Variants in RYR1 observed in about 807,000 individuals in gnomAD.
RYR1 encodes the protein ryanodine receptor 1, also known as central core disease of muscle.
In RYR1, 342 loss-of-function variants were observed where a neutral mutation model predicts 583.5. The ratio of observed to expected loss-of-function variants is 0.59; its 90% CI spans 0.54 to 0.64. The LOEUF (loss-of-function observed/expected upper bound fraction) is 0.64. RYR1 is among the 30% of genes least tolerant of loss of function. RYR1 has a pLI of 0.00. For synonymous variants in RYR1, 2,791 were observed against 2,822.5 expected, an observed-to-expected ratio of 0.99 and a Z score of 0.35; for missense variants, 6,032 against 6,917.2, an observed-to-expected ratio of 0.87 and a Z score of 4.54.
chr19:38,516,452 T>C (rs1041187437), intron 65 of RYR1, among the ~76,000 whole-genome samples: 3 of 152,112 alleles, frequency 2.0e-5, no homozygotes, highest in African/African-American at 7.2e-5. Context: ...ACAGAATCTA[T>C]TGATAAAAGT....
At chr19:38,569,172 G>A (rs940762261) in intron 93 of RYR1, among the ~76,000 whole-genome samples, 2 of 152,106 alleles carry the variant, frequency 1.3e-5, no homozygotes, top group African/African-American at 4.8e-5. Context: ...CGCCACGCCT[G>A]GCTAATTTTT....
In RYR1 at chr19:38,512,116, C is replaced by G; in HGVS notation, c.9217C>G (p.Arg3073Gly). 6.2e-7 allele frequency: 1 copy of G among 1,614,170 alleles called. No individual in the cohort carries two copies. Among genetic ancestry groups the G allele is most frequent in the Non-Finnish European group, 8.5e-7 (1 of 1,180,034 alleles). ...AVVNCLHILA[R>G]SLDARTVMKS... ...GGTCAACTGTCTTCACATCCTGGCC[C>G]GCTCCCTGGATGCCAGGTAGGGCCA... The change falls in exon 62 of 106, where the codon CGC becomes GGC. Residue 3073 changes from arginine (R) to glycine (G), a missense_variant. Arg to Gly is a moderately radical substitution (Grantham distance 125, BLOSUM62 -2). Coordinates refer to ENST00000359596, the MANE Select transcript of RYR1 (RefSeq NM_000540.3). The surrounding 1 kb of genome is among the most constrained non-coding windows in gnomAD (Gnocchi z 5.1).
At position 38,502,681 on chromosome 19, in the gene RYR1, A is replaced by C; in HGVS notation, c.7789A>C (p.Lys2597Gln). ...CCTGTCTCGGGGTCGTTCGCTCACC[A>C]AGGCGCAGCGTGACGTCATCGAGGA... ...YRLSRGRSLT[K>Q]AQRDVIEDCL... Residue 2597 changes from lysine to glutamine, a missense_variant, in exon 48 of 106, where the codon AAG becomes CAG. Coordinates refer to ENST00000359596, the MANE Select transcript of RYR1 (RefSeq NM_000540.3). 6.2e-7 allele frequency: 1 copy of C among 1,607,998 alleles called. No individual in the cohort carries two copies. Among genetic ancestry groups the C allele is most frequent in the East Asian group, 2.2e-5 (1 of 44,730 alleles).
At chr19:38,571,251 C>T (rs189489603) in intron 94 of RYR1, among the ~76,000 whole-genome samples, 9 of 152,052 alleles carry the variant, frequency 5.9e-5, no homozygotes, top group African/African-American at 1.9e-4. Flanking sequence ...TGCCCACTGG[C>T]GCATGACGAT....
intron 3 of RYR1, among the ~76,000 whole-genome samples, chr19:38,443,048 T>C (rs78121757): frequency 0.029 from 4,378 of 152,260 alleles, 177 homozygotes; most frequent in African/African-American, 0.087. Flanking sequence ...GTCAGATGTC[T>C]GCCCCAAGGT....
intron 67 of RYR1, among the ~76,000 whole-genome samples, chr19:38,521,415 T>C (rs1366269668): frequency 6.6e-6 from 1 of 151,538 alleles, no homozygotes; most frequent in African/African-American, 2.4e-5. Flanking sequence ...GGCTCGTGAC[T>C]GTAATCCCAG....
rs777873471 is a variant in RYR1 at position 38,504,834 on chromosome 19, A to C, written c.8154A>C (p.Ser2718=). ...GALPPDYVDA[S]YSSKAEKKAT... ...TGCCCCCCGACTATGTGGATGCCTC[A>C]TACTCATCTAAGGCAGAGAAAAAGG... The change falls in exon 51 of 106, where the codon TCA becomes TCC. Residue 2718 remains serine, a synonymous_variant. Transcript: ENST00000359596. 6 of 1,614,102 alleles carry C rather than the reference A, an allele frequency of 3.7e-6. No individual in the cohort carries two copies. The East Asian group carries it at 1.1e-4, about 30-fold the overall frequency.
chr19:38,578,098 C>A (rs772731476), intron 98 of RYR1, 46 bp from the exon 99 acceptor site: 26 of 1,613,322 alleles, frequency 1.6e-5, no homozygotes, highest in Non-Finnish European at 1.9e-5. Context: ...GGGGAGGTGA[C>A]TGGAGTCTGA....
intron 1 of RYR1, among the ~76,000 whole-genome samples, chr19:38,434,950 T>C (rs565265335): frequency 6.6e-6 from 1 of 152,176 alleles, no homozygotes; most frequent in African/African-American, 2.4e-5. Flanking sequence ...CAGCTGGGGC[T>C]GGTAGTGAAG....
rs1227898404 is a variant in RYR1 at position 38,452,945 on chromosome 19, C to T, written c.1371C>T (p.Asp457=). 6.2e-7 allele frequency: 1 copy of T among 1,613,906 alleles called. No homozygotes were observed. The highest frequency in any genetic ancestry group is 8.5e-7 in the Non-Finnish European group (1 of 1,179,906). The change falls in exon 13 of 106, where the codon GAC becomes GAT. Residue 457 remains aspartate, a synonymous_variant. Coordinates refer to ENST00000359596, the MANE Select transcript of RYR1 (RefSeq NM_000540.3). ...LIIYFEPPSE[D]LQHEEKQSKL... ...TCTACTTCGAGCCTCCCTCCGAGGA[C>T]TTGCAGCACGAGGAGAAGCAGAGCA...
At chr19:38,542,466 C>T (rs1337326262) in intron 84 of RYR1, among the ~76,000 whole-genome samples, 2 of 152,104 alleles carry the variant, frequency 1.3e-5, no homozygotes, top group Non-Finnish European at 2.9e-5. Context: ...AATGACGCTC[C>T]ACCACATTTG....
intron 67 of RYR1, among the ~76,000 whole-genome samples, chr19:38,520,514 G>A (rs1971179502): frequency 6.6e-6 from 1 of 151,518 alleles, no homozygotes; most frequent in Non-Finnish European, 1.5e-5. Context: ...GGCCAACGTG[G>A]CGAAACCCTG....
chr19:38,466,445 G>A, intron 24 of RYR1, 47 bp downstream of exon 24: 1 of 1,517,806 alleles, frequency 6.6e-7, no homozygotes, highest in South Asian at 1.2e-5. Flanking sequence ...CCCCAACTCT[G>A]ACCCCAGCCC....
chr19:38,523,330 G>A (rs190842222), intron 69 of RYR1, 21 bp downstream of exon 69: 4 of 1,614,050 alleles, frequency 2.5e-6, no homozygotes, highest in Non-Finnish European at 3.4e-6. Context: ...GGTTCTGGGA[G>A]GAGCACTTGG....
At chr19:38,536,961 T>C in intron 83 of RYR1, 194 bp downstream of exon 83, 1 of 632,292 alleles carries the variant, frequency 1.6e-6, no homozygotes, top group Non-Finnish European at 2.9e-6. Context: ...GATCAGCCAC[T>C]GAGAATACAT....
chr19:38,550,084 C>T (rs1479794841), intron 89 of RYR1, among the ~76,000 whole-genome samples: 1 of 151,962 alleles, frequency 6.6e-6, no homozygotes, highest in Non-Finnish European at 1.5e-5. Flanking sequence ...AACACTTCAG[C>T]GTGTATCTCC....
At chr19:38,498,562 TAGAC>T (rs1302777120) in intron 42 of RYR1, among the ~76,000 whole-genome samples, 6 of 152,340 alleles carry the variant, frequency 3.9e-5, no homozygotes, top group South Asian at 4.1e-4. Flanking sequence ...GGCTAATCCA[TAGAC>T]AGAGCAGCCC....
At chr19:38,537,987 G>A (rs747814589) in intron 84 of RYR1, 27 bp downstream of exon 84, 25 of 1,598,570 alleles carry the variant, frequency 1.6e-5, no homozygotes, top group East Asian at 2.2e-5. Flanking sequence ...TGGGGTGGAG[G>A]GGAAGCCGAG....
chr19:38,445,895 C>CAGG (rs60535236), intron 7 of RYR1, among the ~76,000 whole-genome samples: 91,041 of 151,724 alleles, frequency 0.6, 27,832 homozygotes, highest in Admixed American at 0.67. Flanking sequence ...GAGGCTGAGG[C>CAGG]AGTATTGCTT....
Sources: allele counts gnomAD v4.1 joint callset (sites outside exome capture counted in the v4.1 genomes callset), GRCh38; gene constraint gnomAD v4.1.1; non-coding constraint Gnocchi (gnomAD v3.1); transcripts MANE v1.5; gene names NCBI Gene and HGNC (gene_info 2026-07-23, HGNC 2026-07-21).